CSMD1: variants seen among roughly 807,000 people sequenced by gnomAD.
The protein encoded by CSMD1 is CUB and Sushi multiple domains 1, also known as CUB and sushi domain-containing protein 1.
In CSMD1, 213 loss-of-function variants were observed where a neutral mutation model predicts 417.5. The ratio of observed to expected loss-of-function variants is 0.51; its 90% confidence interval spans 0.46 to 0.57. The LOEUF is 0.57. CSMD1 is among the 20% of genes least tolerant of loss of function. The pLI, the probability that CSMD1 is intolerant of heterozygous loss-of-function variation, is 0.00. For synonymous variants in CSMD1, 2,862 were observed against 1,736.8 expected, an observed-to-expected ratio of 1.65 and a Z score of -16.11; for missense variants, 6,923 against 4,529.7, an observed-to-expected ratio of 1.53 and a Z score of -15.17.
chr8:4,163,565 T>G (rs1563207962), intron 3 of CSMD1, among the ~76,000 whole-genome samples: 1 of 152,208 alleles, frequency 6.6e-6, no homozygotes, highest in East Asian at 1.9e-4. Context: ...TGGTGTGAAT[T>G]AAATCTAGCT....
chr8:4,380,871 T>C (rs1474145458), intron 3 of CSMD1, among the ~76,000 whole-genome samples: 1 of 152,192 alleles, frequency 6.6e-6, no homozygotes, highest in Non-Finnish European at 1.5e-5. Context: ...TATATTACTA[T>C]ACTTTTTATA....
At position 2,935,686 on chromosome 8, in the gene CSMD1, C is replaced by G. The variant is rs533853783; in HGVS notation, c.*2899G>C. The G allele has an allele frequency of 6.6e-6, 1 of 152,098 alleles. No individual in the cohort carries two copies. The highest frequency in any genetic ancestry group is 1.5e-5 in the Non-Finnish European group (1 of 68,008). 9.4% of individuals were successfully genotyped at this position (152,098 alleles called of 1,614,324 possible). A position where few individuals can be genotyped will look rare whatever the true frequency, so the allele number is the denominator to read the frequency against. ...AAAATATATCTCTGTACAAAAAGGTCTTTCGCACCTACGTCGTGACAGCAG... is the reference window on the plus strand; with the variant it reads ...AAAATATATCTCTGTACAAAAAGGTGTTTCGCACCTACGTCGTGACAGCAG... On this transcript the variant is annotated 3_prime_UTR_variant, in exon 70 of 70. Coordinates refer to ENST00000635120, the MANE Select transcript of CSMD1 (RefSeq NM_033225.6).
At chr8:3,117,121 A>C (rs1029133098) in intron 42 of CSMD1, among the ~76,000 whole-genome samples, 1 of 152,226 alleles carries the variant, frequency 6.6e-6, no homozygotes, top group Non-Finnish European at 1.5e-5. Context: ...CCCAGGCTGG[A>C]GGGCAGTGGC....
intron 5 of CSMD1, among the ~76,000 whole-genome samples, chr8:3,788,531 ATATT>A (rs1253518446): frequency 1.3e-5 from 2 of 152,312 alleles, no homozygotes; most frequent in East Asian, 3.9e-4. Flanking sequence ...CTCACCTCAG[ATATT>A]TATTCAACCA....
intron 3 of CSMD1, among the ~76,000 whole-genome samples, chr8:4,118,025 C>A (rs1390607464): frequency 1.3e-5 from 2 of 150,550 alleles, no homozygotes; most frequent in African/African-American, 4.9e-5. Flanking sequence ...AAAAGTTTTT[C>A]TCAAGCCTCT....
rs185397633 is a variant in CSMD1 at position 4,516,536 on chromosome 8, C to G, written c.303-96471G>C. Among the ~76,000 whole-genome samples, 775 of 152,220 alleles carry G rather than the reference C, an allele frequency of 5.1e-3. 6 individuals are homozygous for G. Among genetic ancestry groups the G allele is most frequent in the African/African-American group, 0.018 (733 of 41,542 alleles). On this transcript the variant is annotated intron_variant, in intron 2 of 69. Coordinates refer to ENST00000635120, the MANE Select transcript of CSMD1 (RefSeq NM_033225.6). Reference sequence around the variant, plus strand: ...TTGGGGAGTTGATGTGCCATTCTCCCCTGCTTGGTGTGGCCCCCAGCCACT... The same window carrying G: ...TTGGGGAGTTGATGTGCCATTCTCCGCTGCTTGGTGTGGCCCCCAGCCACT...
chr8:4,635,396 T>C (rs1274952166), intron 2 of CSMD1, among the ~76,000 whole-genome samples: 4 of 152,110 alleles, frequency 2.6e-5, no homozygotes, highest in Admixed American at 6.5e-5. Context: ...TAATATAAAA[T>C]GATCATAATA....
chr8:3,323,577 T>G (rs968835906), intron 23 of CSMD1, among the ~76,000 whole-genome samples: 8 of 152,164 alleles, frequency 5.3e-5, no homozygotes, highest in African/African-American at 1.9e-4. Context: ...GTTAAAATAC[T>G]CTTTGATTTT....
chr8:4,070,136 T>C lies in CSMD1; in HGVS notation c.416-38037A>G, dbSNP rs147763687. ...AGTCTTCTTGTAAATATTACACCAA[T>C]TTTATTTTTTTTAAAATGTATAAAG... On this transcript the variant is annotated intron_variant, in intron 3 of 69. Transcript: ENST00000635120. Among the ~76,000 whole-genome samples the C allele has an allele frequency of 8.9e-3, 1,362 of 152,276 alleles. 26 individuals carry two copies. The highest frequency in any genetic ancestry group is 0.031 in the African/African-American group (1,294 of 41,564).
intron 5 of CSMD1, among the ~76,000 whole-genome samples, chr8:3,801,057 G>C (rs1379211493): frequency 6.6e-6 from 1 of 151,398 alleles, no homozygotes; most frequent in Non-Finnish European, 1.5e-5. Context: ...CGTGGTTGAG[G>C]CCATGCTTCC....
At chr8:3,654,394 G>C (rs532168721) in intron 7 of CSMD1, among the ~76,000 whole-genome samples, 6 of 152,244 alleles carry the variant, frequency 3.9e-5, no homozygotes, top group Admixed American at 2.0e-4. Flanking sequence ...AAATAGCAGA[G>C]ATGTAAAGTA....
intron 6 of CSMD1, among the ~76,000 whole-genome samples, chr8:3,723,319 G>T (rs1171202562): frequency 6.6e-6 from 1 of 152,094 alleles, no homozygotes; most frequent in Non-Finnish European, 1.5e-5. Flanking sequence ...TCCCTTTTAA[G>T]GGCTCATTTG....
chr8:4,833,861 T>C (rs1273826628), intron 1 of CSMD1, among the ~76,000 whole-genome samples: 2 of 152,224 alleles, frequency 1.3e-5, no homozygotes, highest in East Asian at 3.8e-4. Flanking sequence ...AGCTCTGTAC[T>C]CTAGTGAAGG....
intron 12 of CSMD1, among the ~76,000 whole-genome samples, chr8:3,455,909 G>C (rs1816093034): frequency 1.3e-5 from 2 of 152,204 alleles, no homozygotes; most frequent in Non-Finnish European, 2.9e-5. Flanking sequence ...GCCCCCAGAG[G>C]TGGAGTCTAC....
intron 5 of CSMD1, among the ~76,000 whole-genome samples, chr8:3,850,062 T>C (rs529302620): frequency 6.6e-6 from 1 of 152,288 alleles, no homozygotes; most frequent in East Asian, 1.9e-4. Context: ...TCTCAAAGTG[T>C]TGGGATTACA....
At chr8:3,607,093 G>C (rs777005269) in intron 8 of CSMD1, among the ~76,000 whole-genome samples, 2 of 152,130 alleles carry the variant, frequency 1.3e-5, no homozygotes, top group Non-Finnish European at 2.9e-5. Flanking sequence ...CTGTACAAAA[G>C]TGTTTTTTCT....
At chr8:3,235,930 T>TTTTTTTTTTG (rs1799127283) in intron 26 of CSMD1, among the ~76,000 whole-genome samples, 2 of 147,290 alleles carry the variant, frequency 1.4e-5, no homozygotes, top group African/African-American at 5.1e-5. Context: ...TTTTTTTTTT[T>TTTTTTTTTTG]TTTTTGAGAC....
intron 1 of CSMD1, among the ~76,000 whole-genome samples, chr8:4,762,694 G>A (rs1323848530): frequency 6.6e-6 from 1 of 151,968 alleles, no homozygotes; most frequent in African/African-American, 2.4e-5. Flanking sequence ...CATTATTCAG[G>A]CCCAGATGCA....
intron 2 of CSMD1, among the ~76,000 whole-genome samples, chr8:4,629,206 GA>G (rs1184340948): frequency 6.6e-6 from 1 of 152,116 alleles, no homozygotes; most frequent in Non-Finnish European, 1.5e-5. Flanking sequence ...ATTTCTGAAT[GA>G]AAAGTTTGTA....
Sources: allele counts gnomAD v4.1 joint callset (sites outside exome capture counted in the v4.1 genomes callset), GRCh38; gene constraint gnomAD v4.1.1; transcripts MANE v1.5; gene names NCBI Gene and HGNC (gene_info 2026-07-23, HGNC 2026-07-21).